Variants in TSBP1 observed in about 807,000 individuals in gnomAD.
The protein encoded by TSBP1 is testis-expressed basic protein 1.
A neutral mutation model predicts 68.8 loss-of-function variants in TSBP1; 56 were observed. The observed-to-expected ratio is 0.81, with a 90% CI of 0.66 to 1.02. The LOEUF (loss-of-function observed/expected upper bound fraction) is 1.02. TSBP1 is among the 50% of genes least tolerant of loss of function. The probability of loss-of-function intolerance (pLI) is 0.00; values close to 1 mark genes in which losing one functional copy is unlikely to be tolerated. For missense variants in TSBP1, 502 were observed against 641.2 expected (o/e 0.78, Z 2.34); for synonymous variants, 171 against 208.7 (o/e 0.82, Z 1.56).
chr6:32,293,893 C>T (rs1265675663), exon 23 of TSBP1: 26 of 1,612,754 alleles, frequency 1.6e-5, no homozygotes, highest in Middle Eastern at 3.3e-4. Context: ...CTACAGAATT[C>T]GTAAATATGA....
chr6:32,302,555 G>T lies in TSBP1; in HGVS notation c.601+54C>A, dbSNP rs1052114665. ...TTAAAAACATTTGTAGAAAAAATTT[G>T]CTCACCCCAGCCCTACAAGAAACTA... On this transcript the variant is annotated intron_variant, in intron 20 of 22. Transcript: ENST00000612031. The surrounding 1 kb of genome is among the most constrained non-coding windows in gnomAD (Gnocchi z 5.1). 1 of 1,100,988 alleles carries T rather than the reference G, an allele frequency of 9.1e-7. No individual in the cohort carries two copies. Among genetic ancestry groups the T allele is most frequent in the Non-Finnish European group, 1.4e-6 (1 of 727,892 alleles). 68.2% of individuals were successfully genotyped at this position (1,100,988 alleles called of 1,614,324 possible). A position where few individuals can be genotyped will look rare whatever the true frequency, so the allele number is the denominator to read the frequency against.
At chr6:32,307,250 C>T (rs7341300) in intron 19 of TSBP1, among the ~76,000 whole-genome samples, 31,981 of 151,878 alleles carry the variant, frequency 0.21, 3,555 homozygotes, top group East Asian at 0.22. Context: ...AGTGTTTTGA[C>T]AAGTAATGAT....
At chr6:32,320,671 T>A (rs560931345) in intron 18 of TSBP1, among the ~76,000 whole-genome samples, 3 of 152,166 alleles carry the variant, frequency 2.0e-5, no homozygotes, top group Non-Finnish European at 4.4e-5. Flanking sequence ...TATTTTTCAT[T>A]TATAGATATT....
At chr6:32,297,315 C>T (rs1764817752) in intron 22 of TSBP1, among the ~76,000 whole-genome samples, 1 of 152,086 alleles carries the variant, frequency 6.6e-6, no homozygotes, top group South Asian at 2.1e-4. Context: ...TTAATACAAT[C>T]AAAAGATTTA....
At chr6:32,370,855 A>AAG (rs1554214192) in intron 1 of TSBP1, among the ~76,000 whole-genome samples, 8,162 of 150,166 alleles carry the variant, frequency 0.054, 332 homozygotes, top group East Asian at 0.17. Context: ...AAAAAAAGAA[A>AAG]AGAGAGAGAG....
rs1474951913 is a variant in TSBP1 at position 32,340,270 on chromosome 6, A to T, written c.350-632T>A. Among the ~76,000 whole-genome samples the T allele has an allele frequency of 6.6e-6, 1 of 151,894 alleles. No individual in the cohort carries two copies. The highest frequency in any genetic ancestry group is 2.4e-5 in the African/African-American group (1 of 41,326). On this transcript the variant is annotated intron_variant, in intron 9 of 22. Coordinates refer to ENST00000612031, the Ensembl canonical transcript of TSBP1. This position sits in a 1 kb window ranked among gnomAD's most constrained non-coding sequence, Gnocchi z 4.8. ...ATTTTAAGATGTTGAAAATTTTGCA[A>T]TTTTTTTTCTTAAAATAATTGAATA...
intron 1 of TSBP1, among the ~76,000 whole-genome samples, chr6:32,370,456 A>C (rs1275611980): frequency 6.9e-6 from 1 of 144,578 alleles, no homozygotes; most frequent in Non-Finnish European, 1.5e-5. Flanking sequence ...GCTATAAATA[A>C]GATTTATAAA....
intron 8 of TSBP1, among the ~76,000 whole-genome samples, chr6:32,350,413 G>A (rs1771588217): frequency 6.6e-6 from 1 of 152,188 alleles, no homozygotes; most frequent in Admixed American, 6.5e-5. Flanking sequence ...TGATTACTTT[G>A]AACATGGTAT....
chr6:32,367,274 A>AGAGAGAGAGAGAGAGAGAGAGAGAGG, intron 4 of TSBP1, among the ~76,000 whole-genome samples: 1 of 151,886 alleles, frequency 6.6e-6, no homozygotes, highest in African/African-American at 2.4e-5. Context: ...AAAGAGAGAG[A>AGAGAGAGAGAGAGAGAGAGAGAGAGG]GAGACAGCCG....
At chr6:32,307,032 TTC>T (rs1765837178) in intron 19 of TSBP1, among the ~76,000 whole-genome samples, 1 of 142,650 alleles carries the variant, frequency 7.0e-6, no homozygotes, top group Non-Finnish European at 1.6e-5. Context: ...ATCAAAATTA[TTC>T]TGTTATTTTT....
intron 9 of TSBP1, among the ~76,000 whole-genome samples, chr6:32,339,992 G>A (rs1006258351): frequency 1.3e-5 from 2 of 152,104 alleles, no homozygotes; most frequent in African/African-American, 4.8e-5. Context: ...GAAACACTTC[G>A]GCAAAGTAGT....
intron 22 of TSBP1, among the ~76,000 whole-genome samples, chr6:32,298,421 A>C (rs1562054362): frequency 6.6e-6 from 1 of 152,162 alleles, no homozygotes; most frequent in Non-Finnish European, 1.5e-5. Flanking sequence ...CTCTATTAAA[A>C]ATACAAAATT....
At chr6:32,308,957 C>CT (rs9279571) in intron 19 of TSBP1, among the ~76,000 whole-genome samples, 16,459 of 121,800 alleles carry the variant, frequency 0.14, 1,226 homozygotes, top group Admixed American at 0.16. Context: ...TTTCTTCCTG[C>CT]TTTTTTTTTT....
chr6:32,293,243 T>A, exon 23 of TSBP1: 1 of 1,612,732 alleles, frequency 6.2e-7, no homozygotes, highest in South Asian at 1.1e-5. Context: ...TACACCTGAC[T>A]CACTCTTCTT....
At chr6:32,300,279 G>C (rs901354506) in intron 21 of TSBP1, among the ~76,000 whole-genome samples, 1 of 152,048 alleles carries the variant, frequency 6.6e-6, no homozygotes, top group Admixed American at 6.5e-5. Flanking sequence ...GTTCTGGTCC[G>C]TTTGAAAAAT....
chr6:32,370,609 G>C (rs9268394), intron 1 of TSBP1, among the ~76,000 whole-genome samples: 50,880 of 151,570 alleles, frequency 0.34, 9,604 homozygotes, highest in Middle Eastern at 0.52. Flanking sequence ...TCTTGTCACA[G>C]AAAAACCTTT....
At position 32,367,322 on chromosome 6, in the gene TSBP1, G is replaced by C. The variant is rs1583191433; in HGVS notation, c.166+603C>G. Among the ~76,000 whole-genome samples the C allele has an allele frequency of 2.0e-5, 3 of 151,956 alleles. No individual in the cohort carries two copies. In the South Asian group the frequency reaches 6.2e-4, roughly 32 times the overall value. On this transcript the variant is annotated intron_variant, in intron 4 of 22. Coordinates refer to ENST00000612031, the Ensembl canonical transcript of TSBP1. ...TAGGCAGCCCTGGTGAGTGGATACT[G>C]AAAGAGAACATTGAGTGTTGGGGCG...
intron 20 of TSBP1, 112 bp from the exon 24 acceptor site, chr6:32,300,812 A>AG: frequency 1.1e-6 from 1 of 883,290 alleles, no homozygotes; most frequent in Non-Finnish European, 1.9e-6. Flanking sequence ...AATTTCATTT[A>AG]TTTAAATGTG....
chr6:32,364,954 C>T (rs1176798218), intron 6 of TSBP1, among the ~76,000 whole-genome samples: 1 of 152,054 alleles, frequency 6.6e-6, no homozygotes, highest in Non-Finnish European at 1.5e-5. Flanking sequence ...GGAGCAGTGG[C>T]ATGATCGTGG....
Sources: gnomAD v4.1 joint callset for allele counts (sites outside exome capture counted in the v4.1 genomes callset) on GRCh38, gnomAD v4.1.1 for gene constraint, Gnocchi (gnomAD v3.1) non-coding constraint, MANE v1.5 for transcripts, NCBI Gene and HGNC (gene_info 2026-07-23, HGNC 2026-07-21) for gene names.